The following RPH3A variants were observed in gnomAD, a reference collection of about 807,000 sequenced individuals.
RPH3A encodes the protein rabphilin-3A.
Under a neutral mutation model 102.2 loss-of-function variants are expected in RPH3A, and 48 were observed. The observed-to-expected ratio is 0.47, with a 90% CI of 0.37 to 0.60. RPH3A has a LOEUF of 0.60. RPH3A is among the 20% of genes least tolerant of loss of function. RPH3A has a pLI of 0.00. For missense variants in RPH3A, 781 were observed against 910.1 expected (o/e 0.86, Z 1.83); for synonymous variants, 310 against 324.3 (o/e 0.96, Z 0.47).
intron 5 of RPH3A, among the ~76,000 whole-genome samples, chr12:112,863,685 T>C (rs2042559878): frequency 6.6e-6 from 1 of 152,256 alleles, no homozygotes; most frequent in Admixed American, 6.5e-5. Flanking sequence ...TTAACTTCCC[T>C]GTGCCACTTT....
At chr12:112,749,637 G>T (rs1299108501) in intron 1 of RPH3A, among the ~76,000 whole-genome samples, 2 of 152,134 alleles carry the variant, frequency 1.3e-5, no homozygotes, top group Non-Finnish European at 2.9e-5. Context: ...ATCCAACCAT[G>T]CAAAGCTATA....
rs1195606092 is a variant in RPH3A at position 112,691,117 on chromosome 12, C to T, written c.-139-101026C>T. ...TCAGCTCACAGCAAGCTCCGCCTCC[C>T]GGGTTCAGCCACTTTCCTGCGTCAG... is the stretch of plus-strand genomic sequence containing the variant. On this transcript the variant is annotated intron_variant, in intron 1 of 21. Coordinates refer to the RPH3A transcript ENST00000543106. Among the ~76,000 whole-genome samples the T allele has an allele frequency of 3.9e-5, 6 of 152,246 alleles. No homozygotes were observed. In the East Asian group the frequency reaches 1.2e-3, roughly 29 times the overall value.
chr12:112,817,793 T>C (rs1157154325), intron 2 of RPH3A, among the ~76,000 whole-genome samples: 1 of 152,148 alleles, frequency 6.6e-6, no homozygotes, highest in African/African-American at 2.4e-5. Flanking sequence ...CTTTCTGTCC[T>C]CCAAGGAGCT....
intron 1 of RPH3A, among the ~76,000 whole-genome samples, chr12:112,676,004 G>A (rs2040171407): frequency 6.6e-6 from 1 of 152,180 alleles, no homozygotes; most frequent in Admixed American, 6.5e-5. Context: ...TCTCCTGGTG[G>A]AAGCTGGAGC....
At chr12:112,604,875 T>G (rs1003480181) in intron 1 of RPH3A, among the ~76,000 whole-genome samples, 6 of 152,316 alleles carry the variant, frequency 3.9e-5, no homozygotes, top group African/African-American at 1.4e-4. Flanking sequence ...CCTCCCAACA[T>G]GGCAGCTGGC....
intron 2 of RPH3A, among the ~76,000 whole-genome samples, chr12:112,823,088 T>C (rs1017913332): frequency 1.3e-5 from 2 of 152,222 alleles, no homozygotes; most frequent in African/African-American, 2.4e-5. Flanking sequence ...GATCTCTCAG[T>C]GTAGCCTGGG....
intron 1 of RPH3A, among the ~76,000 whole-genome samples, chr12:112,610,776 C>T (rs532456483): frequency 3.0e-4 from 45 of 151,986 alleles, no homozygotes; most frequent in East Asian, 9.8e-4. Context: ...GGACTACAGG[C>T]GCCTGCCGCC....
At chr12:112,870,902 C>T (rs2042697725) in intron 10 of RPH3A, among the ~76,000 whole-genome samples, 1 of 152,204 alleles carries the variant, frequency 6.6e-6, no homozygotes, top group African/African-American at 2.4e-5. Flanking sequence ...AGAGTGTTTA[C>T]TATGTGCCAA....
At chr12:112,746,003 C>A (rs2040742868) in intron 1 of RPH3A, among the ~76,000 whole-genome samples, 1 of 152,186 alleles carries the variant, frequency 6.6e-6, no homozygotes, top group Non-Finnish European at 1.5e-5. Flanking sequence ...ATTTCAGACT[C>A]ATCTTGCAGT....
chr12:112,715,851 A>G (rs560634611), intron 1 of RPH3A, among the ~76,000 whole-genome samples: 1 of 152,328 alleles, frequency 6.6e-6, no homozygotes, highest in African/African-American at 2.4e-5. Context: ...AATAGTCCTG[A>G]GGGCTGCTGG....
At chr12:112,844,289 C>T (rs1024191327) in intron 4 of RPH3A, among the ~76,000 whole-genome samples, 1 of 152,124 alleles carries the variant, frequency 6.6e-6, no homozygotes, top group Non-Finnish European at 1.5e-5. Flanking sequence ...TCCTTGTGGA[C>T]TTGATGAAGG....
intron 1 of RPH3A, among the ~76,000 whole-genome samples, chr12:112,754,971 G>C (rs1032434633): frequency 6.6e-6 from 1 of 152,104 alleles, no homozygotes; most frequent in Non-Finnish European, 1.5e-5. Context: ...TGGCAGCCAG[G>C]GTTGAAAAAG....
intron 2 of RPH3A, chr12:112,813,330 AGAG>A (rs1160235926): frequency 2.0e-5 from 3 of 152,280 alleles, no homozygotes; most frequent in African/African-American, 7.2e-5. Context: ...AGGGGCAAGA[AGAG>A]GAGAAGAGGA....
chr12:112,634,653 G>A (rs937704246), intron 1 of RPH3A, among the ~76,000 whole-genome samples: 1 of 151,974 alleles, frequency 6.6e-6, no homozygotes, highest in Non-Finnish European at 1.5e-5. Context: ...AATGCAGGAT[G>A]TTGTCCCATC....
chr12:112,838,655 A>G (rs1264245408), intron 4 of RPH3A, among the ~76,000 whole-genome samples: 1 of 152,240 alleles, frequency 6.6e-6, no homozygotes, highest in African/African-American at 2.4e-5. Context: ...TCATGCCCCG[A>G]CAGCATTTCC....
chr12:112,837,429 C>CT (rs111870872), intron 4 of RPH3A, among the ~76,000 whole-genome samples: 3,313 of 151,166 alleles, frequency 0.022, 90 homozygotes, highest in African/African-American at 0.065. Flanking sequence ...ACTTTTTCAG[C>CT]TTTTTTTTTG....
At chr12:112,766,936 C>G (rs1037401522) in intron 1 of RPH3A, among the ~76,000 whole-genome samples, 5 of 152,116 alleles carry the variant, frequency 3.3e-5, no homozygotes, top group Non-Finnish European at 5.9e-5. Context: ...GGCTGGGGCC[C>G]CAGAGCACAC....
chr12:112,663,001 C>G (rs181336118), intron 1 of RPH3A, among the ~76,000 whole-genome samples: 6 of 149,186 alleles, frequency 4.0e-5, no homozygotes, highest in African/African-American at 1.5e-4. Flanking sequence ...GAACATGGAG[C>G]TGGAGGTGGC....
At chr12:112,643,991 G>T (rs1448932191) in intron 1 of RPH3A, among the ~76,000 whole-genome samples, 2 of 152,222 alleles carry the variant, frequency 1.3e-5, no homozygotes, top group African/African-American at 4.8e-5. Flanking sequence ...CATGTCTTCT[G>T]CAGCAATGTG....
Sources: allele counts gnomAD v4.1 joint callset (sites outside exome capture counted in the v4.1 genomes callset), GRCh38; gene constraint gnomAD v4.1.1; transcripts MANE v1.5; gene names NCBI Gene and HGNC (gene_info 2026-07-23, HGNC 2026-07-21).